Variants in CSMD1 observed in about 807,000 individuals in gnomAD.
The protein encoded by CSMD1 is CUB and sushi domain-containing protein 1.
In CSMD1, 213 loss-of-function variants were observed where a neutral mutation model predicts 417.5. The ratio of observed to expected loss-of-function variants is 0.51; its 90% CI spans 0.46 to 0.57. The LOEUF is 0.57. Among genes scored for constraint, CSMD1 ranks in the 20% least tolerant of loss-of-function variants. CSMD1 has a pLI of 0.00. For synonymous variants in CSMD1, 2,862 were observed against 1,736.8 expected (o/e 1.65, Z -16.11); for missense variants, 6,923 against 4,529.7 (o/e 1.53, Z -15.17).
chr8:4,086,352 C>CA (rs2130831404), intron 3 of CSMD1, among the ~76,000 whole-genome samples: 1 of 152,228 alleles, frequency 6.6e-6, no homozygotes, highest in South Asian at 2.1e-4. Context: ...TTCTTTAATA[C>CA]TGAAACTTGA....
chr8:4,942,836 T>G (rs193231456), intron 1 of CSMD1, among the ~76,000 whole-genome samples: 61 of 152,358 alleles, frequency 4.0e-4, no homozygotes, highest in African/African-American at 1.4e-3. Context: ...TGTTAACTAA[T>G]TCACAGATAG....
At chr8:4,296,697 T>TG (rs1028382669) in intron 3 of CSMD1, among the ~76,000 whole-genome samples, 6 of 3,368 alleles carry the variant, frequency 1.8e-3, no homozygotes, top group Non-Finnish European at 3.7e-3. Context: ...AAAATAAGGG[T>TG]TTTTTTTTTT....
At chr8:4,060,590 G>C (rs1798920970) in intron 3 of CSMD1, among the ~76,000 whole-genome samples, 1 of 152,196 alleles carries the variant, frequency 6.6e-6, no homozygotes. Context: ...AGGTCATTCT[G>C]GGTTTCGGAA....
intron 2 of CSMD1, among the ~76,000 whole-genome samples, chr8:4,594,279 C>A (rs889298890): frequency 1.4e-5 from 2 of 144,816 alleles, no homozygotes; most frequent in African/African-American, 2.6e-5. Flanking sequence ...TCTCAGCTCA[C>A]TGCAACCTCT....
chr8:3,146,113 T>C (rs1407782094), intron 40 of CSMD1, among the ~76,000 whole-genome samples: 1 of 152,222 alleles, frequency 6.6e-6, no homozygotes, highest in African/African-American at 2.4e-5. Flanking sequence ...TGTCCCTATG[T>C]TTCTAGAAAG....
intron 1 of CSMD1, among the ~76,000 whole-genome samples, chr8:4,871,902 A>G (rs1374945958): frequency 6.6e-6 from 1 of 151,984 alleles, no homozygotes; most frequent in Non-Finnish European, 1.5e-5. Flanking sequence ...TTTCCTTGCA[A>G]TTCTGTACTC....
chr8:4,011,694 G>C (rs1190777509), intron 4 of CSMD1, among the ~76,000 whole-genome samples: 2 of 152,068 alleles, frequency 1.3e-5, no homozygotes, highest in African/African-American at 4.8e-5. Flanking sequence ...TAATTAGAAA[G>C]TCACAAGAAC....
At chr8:3,129,433 T>A (rs2129025456) in intron 41 of CSMD1, among the ~76,000 whole-genome samples, 1 of 152,300 alleles carries the variant, frequency 6.6e-6, no homozygotes, top group East Asian at 1.9e-4. Context: ...TACATAGACA[T>A]GGCCTTAATA....
chr8:4,147,306 G>A lies in CSMD1; in HGVS notation c.416-115207C>T, dbSNP rs535310686. ...TCCATACAAAGTTCCCAGCGGGGAAGGGGAAGCCTTCTGTATGCTCACCTG... is the reference window on the plus strand; with the variant it reads ...TCCATACAAAGTTCCCAGCGGGGAAAGGGAAGCCTTCTGTATGCTCACCTG... On this transcript the variant is annotated intron_variant, in intron 3 of 69. Coordinates refer to ENST00000635120, the MANE Select transcript of CSMD1 (RefSeq NM_033225.6). Among the ~76,000 whole-genome samples the A allele has an allele frequency of 2.6e-5, 4 of 152,222 alleles. No homozygotes were observed. The East Asian group carries it at 7.8e-4, about 30-fold the overall frequency.
chr8:4,087,774 C>A (rs1405459454), intron 3 of CSMD1, among the ~76,000 whole-genome samples: 1 of 152,142 alleles, frequency 6.6e-6, no homozygotes, highest in East Asian at 1.9e-4. Flanking sequence ...TCTATATTTT[C>A]TCTTTTATAT....
chr8:3,713,021 T>C (rs1265788548), intron 6 of CSMD1, among the ~76,000 whole-genome samples: 11 of 152,054 alleles, frequency 7.2e-5, no homozygotes, highest in African/African-American at 2.4e-5. Flanking sequence ...CCAAGAAGTA[T>C]GTGAGGTTAA....
intron 5 of CSMD1, among the ~76,000 whole-genome samples, chr8:3,832,912 G>A (rs920611541): frequency 2.6e-5 from 4 of 152,128 alleles, no homozygotes; most frequent in Admixed American, 6.6e-5. Context: ...AACACAAATA[G>A]GAGTACGTTT....
chr8:4,524,587 T>TTTTTTTTGTTTTG (rs1796416709), intron 2 of CSMD1, among the ~76,000 whole-genome samples: 1 of 144,346 alleles, frequency 6.9e-6, no homozygotes, highest in Non-Finnish European at 1.5e-5. Context: ...TTTTTTTTTT[T>TTTTTTTTGTTTTG]GGTTTGGTTT....
intron 3 of CSMD1, among the ~76,000 whole-genome samples, chr8:4,112,769 T>A (rs763142342): frequency 6.6e-6 from 1 of 152,236 alleles, no homozygotes; most frequent in Non-Finnish European, 1.5e-5. Context: ...TGCTCCAGCT[T>A]ATGGCTCCAA....
intron 1 of CSMD1, among the ~76,000 whole-genome samples, chr8:4,835,178 C>T (rs954352152): frequency 2.0e-5 from 3 of 151,478 alleles, no homozygotes; most frequent in African/African-American, 7.3e-5. Context: ...GGAAATGAAG[C>T]GAAGGACAAT....
At chr8:3,641,970 A>G (rs1400414049) in intron 7 of CSMD1, among the ~76,000 whole-genome samples, 1 of 152,186 alleles carries the variant, frequency 6.6e-6, no homozygotes, top group Non-Finnish European at 1.5e-5. Context: ...AGATGGGGAG[A>G]GAGCAGCAAT....
At chr8:3,999,903 A>C (rs1815529982) in intron 4 of CSMD1, among the ~76,000 whole-genome samples, 1 of 152,340 alleles carries the variant, frequency 6.6e-6, no homozygotes, top group Admixed American at 6.5e-5. Context: ...AGGACATCTC[A>C]GGAAACTCAT....
At chr8:3,926,028 C>A (rs925110666) in intron 5 of CSMD1, among the ~76,000 whole-genome samples, 12 of 136,954 alleles carry the variant, frequency 8.8e-5, no homozygotes, top group African/African-American at 2.4e-4. Flanking sequence ...CACACACACA[C>A]ACACACACAC....
chr8:4,404,204 C>T (rs879171273), intron 3 of CSMD1, among the ~76,000 whole-genome samples: 1 of 152,094 alleles, frequency 6.6e-6, no homozygotes, highest in Non-Finnish European at 1.5e-5. Context: ...CCTGACAATC[C>T]GTATGCCACT....
Sources: allele counts gnomAD v4.1 joint callset (sites outside exome capture counted in the v4.1 genomes callset), GRCh38; gene constraint gnomAD v4.1.1; transcripts MANE v1.5; gene names NCBI Gene and HGNC (gene_info 2026-07-23, HGNC 2026-07-21).